Variants in PTPRD observed in about 807,000 individuals in gnomAD.
PTPRD encodes protein tyrosine phosphatase receptor type D.
In PTPRD, 34 loss-of-function variants were observed where a neutral mutation model predicts 214.5. The observed-to-expected ratio is 0.16, with a 90% confidence interval of 0.12 to 0.21. The LOEUF (loss-of-function observed/expected upper bound fraction) is 0.21, where lower values mean the gene tolerates loss of function less well. Ranked by LOEUF, PTPRD falls within the 10% of genes least tolerant of loss-of-function variation. PTPRD has a pLI of 1.00. For missense variants in PTPRD, 2,545 were observed against 2,398.7 expected (o/e 1.06, Z -1.27); for synonymous variants, 1,128 against 845.7 (o/e 1.33, Z -5.79).
Position 9,906,294 on chromosome 9 carries a change from G to T in PTPRD, c.-368+32213C>A, listed in dbSNP as rs898312958. On this transcript the variant is annotated intron_variant, in intron 5 of 45. Coordinates refer to ENST00000381196, the MANE Select transcript of PTPRD (RefSeq NM_002839.4). The stretch of plus-strand genomic sequence containing the variant: ...ATTTTTCATCTTGGATGTGAGAAGT[G>T]TGCTTTTTTGTACGTATGTGATACA... Among the ~76,000 whole-genome samples the T allele has an allele frequency of 4.6e-5, 7 of 152,010 alleles. No homozygotes were observed. The East Asian group carries it at 1.4e-3, about 29-fold the overall frequency.
chr9:9,832,671 G>C (rs958268393), intron 5 of PTPRD, among the ~76,000 whole-genome samples: 1 of 151,918 alleles, frequency 6.6e-6, no homozygotes, highest in Non-Finnish European at 1.5e-5. Context: ...CTTTTAAAAA[G>C]AGTTTTTAAA....
intron 5 of PTPRD, among the ~76,000 whole-genome samples, chr9:9,929,522 C>G (rs1279801963): frequency 2.6e-5 from 4 of 152,120 alleles, no homozygotes; most frequent in Non-Finnish European, 5.9e-5. Flanking sequence ...GCCTCCCATG[C>G]AGCTGGGACT....
chr9:8,354,252 T>C (rs1284890891), intron 39 of PTPRD, among the ~76,000 whole-genome samples: 1 of 151,972 alleles, frequency 6.6e-6, no homozygotes, highest in Admixed American at 6.6e-5. Flanking sequence ...CAATGCAAAA[T>C]GTAAAATGGG....
At chr9:9,982,291 T>C (rs1182654025) in intron 4 of PTPRD, among the ~76,000 whole-genome samples, 1 of 152,162 alleles carries the variant, frequency 6.6e-6, no homozygotes, top group African/African-American at 2.4e-5. Context: ...ACAACACCCA[T>C]ATTTTCCATA....
At chr9:9,641,804 C>T (rs550170325) in intron 7 of PTPRD, among the ~76,000 whole-genome samples, 16 of 152,240 alleles carry the variant, frequency 1.1e-4, no homozygotes, top group Admixed American at 5.9e-4. Flanking sequence ...CTCCCCAAAC[C>T]ACCGTGATTT....
Position 8,497,250 on chromosome 9 carries a change from T to G in PTPRD, c.2341A>C (p.Thr781Pro). The G allele has an allele frequency of 1.3e-6, 2 of 1,594,276 alleles. No homozygotes were observed. The highest frequency in any genetic ancestry group is 1.7e-6 in the Non-Finnish European group (2 of 1,172,932). ...AGTCAAAAATTACTCACATGTTCAG[T>G]AGTATCATCAAATTCCCACTGATTG... ...ADAQWEFDDT[T>P]EHDMIISGLQ... Residue 781 changes from threonine to proline, a missense_variant, in exon 26 of 46, where the codon ACT becomes CCT. Transcript: ENST00000381196.
At chr9:9,972,926 C>T (rs139149151) in intron 4 of PTPRD, among the ~76,000 whole-genome samples, 3 of 152,194 alleles carry the variant, frequency 2.0e-5, no homozygotes, top group African/African-American at 7.2e-5. Context: ...TCTGCAGAGC[C>T]CCTTTTGCCT....
intron 3 of PTPRD, among the ~76,000 whole-genome samples, chr9:10,182,532 C>G (rs12339928): frequency 6.2e-4 from 94 of 152,082 alleles, no homozygotes; most frequent in South Asian, 1.7e-3. Context: ...AGTAATATCT[C>G]TAAGTGTTTA....
intron 9 of PTPRD, among the ~76,000 whole-genome samples, chr9:9,203,827 T>C (rs1349366677): frequency 6.6e-6 from 1 of 152,196 alleles, no homozygotes; most frequent in Non-Finnish European, 1.5e-5. Flanking sequence ...ATGAAATTCT[T>C]ATGTAGAAAA....
intron 2 of PTPRD, among the ~76,000 whole-genome samples, chr9:10,428,611 A>G (rs183697028): frequency 1.8e-4 from 27 of 152,192 alleles, no homozygotes; most frequent in Middle Eastern, 3.4e-3. Context: ...TGTCACATAT[A>G]GGTTCAGAGA....
rs1168399714 is a variant in PTPRD at position 8,841,324 on chromosome 9, T to C, written c.-103-107378A>G. On this transcript the variant is annotated intron_variant, in intron 11 of 45. Coordinates refer to ENST00000381196, the MANE Select transcript of PTPRD (RefSeq NM_002839.4). ...CAAAGTAAACCCTCTACTTTTCCAC[T>C]TTGTTACAAGGTGCTGAAAATGTCA... Among the ~76,000 whole-genome samples the C allele has an allele frequency of 4.6e-5, 7 of 152,362 alleles. No individual in the cohort carries two copies. In the East Asian group the frequency reaches 1.2e-3, roughly 25 times the overall value.
At chr9:8,773,123 C>T (rs528863400) in intron 11 of PTPRD, among the ~76,000 whole-genome samples, 4 of 152,168 alleles carry the variant, frequency 2.6e-5, no homozygotes, top group African/African-American at 9.7e-5. Flanking sequence ...CAGCCCTGTG[C>T]AAGCTCCAGA....
chr9:8,329,487 G>A (rs1485795736), intron 44 of PTPRD, among the ~76,000 whole-genome samples: 4 of 152,096 alleles, frequency 2.6e-5, no homozygotes, highest in Non-Finnish European at 4.4e-5. Flanking sequence ...CAGGATACAT[G>A]GGGGTCAGGG....
chr9:10,067,135 G>T (rs2097901658), intron 3 of PTPRD, among the ~76,000 whole-genome samples: 1 of 151,852 alleles, frequency 6.6e-6, no homozygotes, highest in Non-Finnish European at 1.5e-5. Flanking sequence ...GGATTGCAGT[G>T]CTTGGCATTG....
intron 8 of PTPRD, among the ~76,000 whole-genome samples, chr9:9,559,684 C>A (rs2082405199): frequency 6.6e-6 from 1 of 152,226 alleles, no homozygotes; most frequent in African/African-American, 2.4e-5. Context: ...CTGCGAAAGT[C>A]CACTGTTGCC....
intron 11 of PTPRD, among the ~76,000 whole-genome samples, chr9:8,927,624 T>C (rs936821424): frequency 1.3e-5 from 2 of 152,228 alleles, no homozygotes; most frequent in African/African-American, 4.8e-5. Context: ...GCACTTGGGT[T>C]GGTTCCAAGT....
At chr9:8,917,294 ATT>A (rs5896279) in intron 11 of PTPRD, among the ~76,000 whole-genome samples, 1,558 of 140,288 alleles carry the variant, frequency 0.011, 11 homozygotes, top group Middle Eastern at 0.026. Flanking sequence ...AGCCCAGCTA[ATT>A]TTTTTTTTTT....
chr9:9,388,227 T>G (rs932734575), intron 9 of PTPRD, among the ~76,000 whole-genome samples: 5 of 151,966 alleles, frequency 3.3e-5, no homozygotes, highest in African/African-American at 1.2e-4. Flanking sequence ...GGGTCTTGGG[T>G]TTTTATAGGC....
intron 7 of PTPRD, among the ~76,000 whole-genome samples, chr9:9,594,008 G>C (rs968631971): frequency 6.6e-6 from 1 of 152,038 alleles, no homozygotes; most frequent in Non-Finnish European, 1.5e-5. Flanking sequence ...ATAGTACAGT[G>C]GTACTTGTAT....
Sources: allele counts gnomAD v4.1 joint callset (sites outside exome capture counted in the v4.1 genomes callset), GRCh38; gene constraint gnomAD v4.1.1; transcripts MANE v1.5; gene names NCBI Gene and HGNC (gene_info 2026-07-23, HGNC 2026-07-21).